Variants in RASSF4 observed in about 807,000 individuals in gnomAD.
The protein encoded by RASSF4 is Ras association domain family member 4.
Under a neutral mutation model 41.1 loss-of-function variants are expected in RASSF4, and 38 were observed. That is an observed-to-expected ratio of 0.92 (90% CI 0.71 to 1.21). The LOEUF is 1.21. Ranked by LOEUF, RASSF4 falls within the 50% of genes most tolerant of loss-of-function variation. The probability of loss-of-function intolerance (pLI) is 0.00; values close to 1 mark genes in which losing one functional copy is unlikely to be tolerated. For synonymous variants in RASSF4, 179 were observed against 163.4 expected, an observed-to-expected ratio of 1.10 and a Z score of -0.73; for missense variants, 414 against 419.4, an observed-to-expected ratio of 0.99 and a Z score of 0.11.
In RASSF4 at chr10:44,977,768, C is replaced by T. The variant is rs1389408205; in HGVS notation, c.139-4753C>T. The T allele has an allele frequency of 4.4e-6, 7 of 1,599,656 alleles. No individual in the cohort carries two copies. In the African/African-American group the frequency reaches 6.7e-5, roughly 15 times the overall value. On this transcript the variant is annotated intron_variant, in intron 3 of 10. Coordinates refer to ENST00000340258, the MANE Select transcript of RASSF4 (RefSeq NM_032023.4). ...CAGTGTGGGCTGCTGGCCACTGAAA[C>T]GTGCGGTGATGTCTCGCAGGGACAC...
At chr10:44,983,816 T>C in intron 4 of RASSF4, 1 of 809,268 alleles carries the variant, frequency 1.2e-6, no homozygotes, top group Non-Finnish European at 1.9e-6. Flanking sequence ...CCAGGCTCAC[T>C]CTCCGTCCAG....
At chr10:44,965,261 G>A (rs539044439) in intron 1 of RASSF4, among the ~76,000 whole-genome samples, 65 of 152,312 alleles carry the variant, frequency 4.3e-4, no homozygotes, top group African/African-American at 1.5e-3. Flanking sequence ...GAGAGGCTTG[G>A]CTAGTGAAAG....
intron 3 of RASSF4, among the ~76,000 whole-genome samples, chr10:44,975,685 G>A: frequency 6.7e-6 from 1 of 149,504 alleles, no homozygotes; most frequent in Non-Finnish European, 1.5e-5. Context: ...ATTCCCCTGG[G>A]CCTCTCTGCA....
intron 1 of RASSF4, among the ~76,000 whole-genome samples, chr10:44,965,943 G>A (rs1840887523): frequency 6.6e-6 from 1 of 152,150 alleles, no homozygotes; most frequent in Admixed American, 6.5e-5. Flanking sequence ...AGGCGTGCAG[G>A]GGAAAAGCAC....
intron 3 of RASSF4, chr10:44,978,259 A>T: frequency 5.6e-6 from 3 of 532,684 alleles, no homozygotes; most frequent in Non-Finnish European, 9.8e-6. Context: ...AGATTTTATC[A>T]TTATCGTTTC....
chr10:44,982,996 T>C (rs763928676), intron 4 of RASSF4: 1 of 590,980 alleles, frequency 1.7e-6, no homozygotes, highest in South Asian at 1.5e-5. Flanking sequence ...TCTCTTGTTC[T>C]ATCTTTAAAA....
At chr10:44,971,527 G>A (rs1272845309) in intron 2 of RASSF4, 9 of 655,586 alleles carry the variant, frequency 1.4e-5, no homozygotes, top group Admixed American at 2.1e-5. Flanking sequence ...TGGACCAGAC[G>A]CAGGCCTGTC....
chr10:44,972,146 A>C (rs1414490432), intron 3 of RASSF4, among the ~76,000 whole-genome samples: 1 of 151,924 alleles, frequency 6.6e-6, no homozygotes, highest in African/African-American at 2.4e-5. Flanking sequence ...ACCTTTGTCC[A>C]TGTGAACTGC....
chr10:44,974,776 C>G (rs527237317), intron 3 of RASSF4, among the ~76,000 whole-genome samples: 1 of 152,380 alleles, frequency 6.6e-6, no homozygotes, highest in Admixed American at 6.5e-5. Flanking sequence ...CCAGCGGCTC[C>G]TTGTGAGCCT....
At chr10:44,970,119 C>T (rs2132768280) in intron 1 of RASSF4, 46 bp from the exon 2 acceptor site, 1 of 1,197,906 alleles carries the variant, frequency 8.3e-7, no homozygotes, top group Non-Finnish European at 1.2e-6. Context: ...CACTGGCCGG[C>T]ACTCCTCTGG....
intron 3 of RASSF4, among the ~76,000 whole-genome samples, chr10:44,972,952 G>A (rs562061635): frequency 1.3e-4 from 20 of 152,192 alleles, no homozygotes; most frequent in Admixed American, 3.9e-4. Context: ...TCAGAGGGCC[G>A]GCTGGAACCT....
chr10:44,977,724 C>T (rs1225490469), intron 3 of RASSF4: 1 of 1,610,600 alleles, frequency 6.2e-7, no homozygotes, highest in Non-Finnish European at 8.5e-7. Context: ...TCCAGGGGGT[C>T]CACAGTATCA....
chr10:44,993,228 G>T (rs368208534), intron 10 of RASSF4, 41 bp from the exon 11 acceptor site: 10 of 1,593,570 alleles, frequency 6.3e-6, no homozygotes, highest in Non-Finnish European at 6.0e-6. Flanking sequence ...TCCCTGCCCT[G>T]TCTGGCCTCA....
At chr10:44,960,764 T>A (rs972738821) in intron 1 of RASSF4, among the ~76,000 whole-genome samples, 2 of 152,254 alleles carry the variant, frequency 1.3e-5, no homozygotes, top group Non-Finnish European at 2.9e-5. Context: ...GCTGGGCTTC[T>A]GGAATTTGAA....
At chr10:44,963,551 C>A (rs987689422) in intron 1 of RASSF4, among the ~76,000 whole-genome samples, 2 of 152,206 alleles carry the variant, frequency 1.3e-5, no homozygotes, top group African/African-American at 4.8e-5. Context: ...TTAGTCCCCC[C>A]AGGAATGCCG....
intron 1 of RASSF4, among the ~76,000 whole-genome samples, chr10:44,969,000 A>ATG (rs149854763): frequency 0.035 from 5,168 of 149,116 alleles, 287 homozygotes; most frequent in African/African-American, 0.12. Context: ...GTGTTTGTGT[A>ATG]TGTGTGTGTG....
Position 44,970,172 on chromosome 10 carries a change from C to A in RASSF4, c.-31C>A, listed in dbSNP as rs1417190394. 6.2e-7 allele frequency: 1 copy of A among 1,603,284 alleles called. No homozygotes were observed. On this transcript the variant is annotated 5_prime_UTR_variant, in exon 2 of 11. Coordinates refer to ENST00000340258, the MANE Select transcript of RASSF4 (RefSeq NM_032023.4). ...CCTTCCTTGTCTTCCCAGCAAGTAACTTCTAGGTCTGCAGACAAGAGGAAG... is the reference window on the plus strand; with the variant it reads ...CCTTCCTTGTCTTCCCAGCAAGTAAATTCTAGGTCTGCAGACAAGAGGAAG...
chr10:44,975,854 G>A (rs1841402341), intron 3 of RASSF4, among the ~76,000 whole-genome samples: 1 of 151,872 alleles, frequency 6.6e-6, no homozygotes, highest in Non-Finnish European at 1.5e-5. Flanking sequence ...CAGATGCAGC[G>A]AGGTGGCTTC....
intron 4 of RASSF4, chr10:44,983,732 G>A (rs1841807589): frequency 1.5e-5 from 6 of 400,942 alleles, no homozygotes; most frequent in South Asian, 5.3e-5. Context: ...CTAGGAATGC[G>A]CAGGCCCTGA....
Sources: gnomAD v4.1 joint callset for allele counts (sites outside exome capture counted in the v4.1 genomes callset) on GRCh38, gnomAD v4.1.1 for gene constraint, MANE v1.5 for transcripts, NCBI Gene and HGNC (gene_info 2026-07-23, HGNC 2026-07-21) for gene names.